The following CLTCL1 variants were observed in gnomAD, a reference collection of about 807,000 sequenced individuals.
The protein encoded by CLTCL1 is clathrin heavy chain like 1.
CLTCL1 carries 159 observed loss-of-function variants against 190.0 expected under a neutral mutation model. The ratio of observed to expected loss-of-function variants is 0.84; its 90% CI spans 0.74 to 0.95. The LOEUF is 0.95. Ranked by LOEUF, CLTCL1 falls within the 40% of genes least tolerant of loss-of-function variation. The probability of loss-of-function intolerance (pLI) is 0.00; values close to 1 mark genes in which losing one functional copy is unlikely to be tolerated. For missense variants in CLTCL1, 1,878 were observed against 2,033.4 expected, an observed-to-expected ratio of 0.92 and a Z score of 1.47; for synonymous variants, 752 against 769.6, an observed-to-expected ratio of 0.98 and a Z score of 0.38.
chr22:19,291,707 G>A lies in CLTCL1; in HGVS notation c.-66C>T, dbSNP rs2088136975. ...GAATGAACGCCGACCCCTCGCGCGG[G>A]CTGACCGGTGGCGACGGCGCAGGCG... On this transcript the variant is annotated 5_prime_UTR_variant, in exon 1 of 33. Coordinates refer to ENST00000427926, the MANE Select transcript of CLTCL1 (RefSeq NM_007098.4). The A allele has an allele frequency of 2.3e-6, 3 of 1,300,498 alleles. No homozygotes were observed. The highest frequency in any genetic ancestry group is 2.0e-6 in the Non-Finnish European group (2 of 1,016,702). 80.6% of individuals were successfully genotyped at this position (1,300,498 alleles called of 1,614,324 possible). A position where few individuals can be genotyped will look rare whatever the true frequency, so the allele number is the denominator to read the frequency against.
chr22:19,201,525 C>G (rs1555939600), intron 22 of CLTCL1, 32 bp from the exon 23 acceptor site: 2 of 1,421,712 alleles, frequency 1.4e-6, no homozygotes, highest in Non-Finnish European at 1.9e-6. Context: ...GACTGAGACA[C>G]TCTTCAATGG....
At chr22:19,226,152 TG>T (rs2085735960) in intron 12 of CLTCL1, 66 bp downstream of exon 12, 3 of 1,535,560 alleles carry the variant, frequency 2.0e-6, no homozygotes, top group Non-Finnish European at 2.7e-6. Flanking sequence ...AGGTGAACAC[TG>T]GGGAGCATGT....
At chr22:19,249,593 G>A (rs1450641052) in intron 3 of CLTCL1, among the ~76,000 whole-genome samples, 1 of 149,672 alleles carries the variant, frequency 6.7e-6, no homozygotes, top group Non-Finnish European at 1.5e-5. Context: ...CTACCTGGAA[G>A]GCTGAGATAG....
chr22:19,201,739 C>T (rs2084894041), intron 22 of CLTCL1, among the ~76,000 whole-genome samples: 1 of 152,198 alleles, frequency 6.6e-6, no homozygotes, highest in Non-Finnish European at 1.5e-5. Flanking sequence ...ACCTCTCAGG[C>T]CCTGGCTGTC....
chr22:19,261,040 T>C (rs547092372), intron 2 of CLTCL1, among the ~76,000 whole-genome samples: 14 of 152,188 alleles, frequency 9.2e-5, no homozygotes, highest in Middle Eastern at 3.4e-3. Flanking sequence ...TTTTCATGCC[T>C]GCTAACACAT....
intron 1 of CLTCL1, among the ~76,000 whole-genome samples, chr22:19,289,113 A>G (rs2088015275): frequency 1.3e-5 from 2 of 152,146 alleles, no homozygotes; most frequent in Non-Finnish European, 2.9e-5. Context: ...CCTCCTGACT[A>G]GCTGGGACTA....
intron 22 of CLTCL1, chr22:19,207,946 A>G (rs1485237764): frequency 1.4e-6 from 1 of 700,794 alleles, no homozygotes; most frequent in South Asian, 1.5e-5. Context: ...TTCATTATAT[A>G]TTACAATATG....
intron 1 of CLTCL1, among the ~76,000 whole-genome samples, chr22:19,283,527 T>A (rs1298061166): frequency 6.6e-6 from 1 of 150,816 alleles, no homozygotes; most frequent in Non-Finnish European, 1.5e-5. Flanking sequence ...GTGATCCACT[T>A]TCCTCGGCCT....
chr22:19,233,209 G>A lies in CLTCL1; in HGVS notation c.1478C>T (p.Ala493Val). 6.2e-7 allele frequency: 1 copy of A among 1,613,944 alleles called. No individual in the cohort carries two copies. Among genetic ancestry groups the A allele is most frequent in the Non-Finnish European group, 8.5e-7 (1 of 1,179,828 alleles). The change falls in exon 9 of 33, where the codon GCA (alanine) becomes GTA (valine). Residue 493 changes from alanine (A) to valine (V), a missense_variant. Physicochemically the swap from Ala to Val is moderately conservative, Grantham distance 64. Transcript: ENST00000427926. ...NVPSKVIQCF[A>V]ETGQFQKIVL... is the part of the protein sequence containing the mutation. ...AATTTTCTGGAATTGGCCTGTTTCTGCAAAACACTGGATCACTTTGCTTGG... is the reference window on the plus strand; with the variant it reads ...AATTTTCTGGAATTGGCCTGTTTCTACAAAACACTGGATCACTTTGCTTGG...
chr22:19,258,053 G>A (rs2086822590), intron 2 of CLTCL1: 1 of 461,044 alleles, frequency 2.2e-6, no homozygotes, highest in South Asian at 1.7e-5. Flanking sequence ...GCACCAGTTT[G>A]TGAGGAGCGA....
chr22:19,270,293 G>A (rs550966500), intron 2 of CLTCL1, among the ~76,000 whole-genome samples: 3 of 152,250 alleles, frequency 2.0e-5, no homozygotes, highest in Admixed American at 6.5e-5. Context: ...AAGCAGATGA[G>A]TTGCTGCCTC....
In CLTCL1 at chr22:19,223,966, C is replaced by T. The variant is rs1555954137; in HGVS notation, c.2217G>A (p.Gly739=). ...ATATCCTCTCCACCTCCTTGATCTG[C>T]CCTGTCTTACAGGCAGCCTGAATGT... The part of the protein sequence containing the change: ...LKYIQAACKT[G]QIKEVERICR... The change falls in exon 14 of 33, where the codon GGG becomes GGA. Residue 739 remains glycine, a synonymous_variant. Coordinates refer to ENST00000427926, the MANE Select transcript of CLTCL1 (RefSeq NM_007098.4). 1.2e-6 allele frequency: 2 copies of T among 1,613,984 alleles called. No homozygotes were observed. Among genetic ancestry groups the T allele is most frequent in the Non-Finnish European group, 1.7e-6 (2 of 1,179,884 alleles).
At chr22:19,288,876 C>T (rs1304034488) in intron 1 of CLTCL1, among the ~76,000 whole-genome samples, 2 of 152,314 alleles carry the variant, frequency 1.3e-5, no homozygotes, top group East Asian at 3.9e-4. Context: ...ACTGTGGAAC[C>T]AAAAACAGTA....
At chr22:19,232,121 A>G (rs1462202833) in intron 10 of CLTCL1, among the ~76,000 whole-genome samples, 7 of 152,216 alleles carry the variant, frequency 4.6e-5, no homozygotes, top group Admixed American at 2.0e-4. Flanking sequence ...CAACAGCACT[A>G]GCTCCTGGTG....
Position 19,206,295 on chromosome 22 carries a change from C to T in CLTCL1, c.3600+1859G>A, listed in dbSNP as rs5748041. The stretch of plus-strand genomic sequence containing the variant: ...AGGCTGGAGTGCAGTGCCCCGATCA[C>T]AGCTCACCCCGATCACAGCTCACTG... On this transcript the variant is annotated intron_variant, in intron 22 of 32. Transcript: ENST00000427926. Among the ~76,000 whole-genome samples, 1,095 of 152,250 alleles carry T rather than the reference C, an allele frequency of 7.2e-3. 17 individuals are homozygous for T. Among genetic ancestry groups the T allele is most frequent in the South Asian group, 0.05 (241 of 4,826 alleles).
rs200800675 is a variant in CLTCL1, at chr22:19,235,797, C to T, written c.868G>A (p.Gly290Ser). 6.2e-7 allele frequency: 1 copy of T among 1,613,962 alleles called. No individual in the cohort carries two copies. Among genetic ancestry groups the T allele is most frequent in the Admixed American group, 1.7e-5 (1 of 60,024 alleles). Residue 290 changes from glycine (G) to serine (S), a missense_variant, in exon 6 of 33, where the codon GGC becomes AGC. Coordinates refer to ENST00000427926, the MANE Select transcript of CLTCL1 (RefSeq NM_007098.4). Reference sequence around the variant, plus strand: ...ATACGGTTCATGCAGATGCACACGCCAGACTCTAGGTCGTACAGATGAAGA... The same window carrying T: ...ATACGGTTCATGCAGATGCACACGCTAGACTCTAGGTCGTACAGATGAAGA... ...GYLHLYDLES[G>S]VCICMNRISA...
rs188269170 is a variant in CLTCL1, at chr22:19,219,432, G to A, written c.2919+453C>T. On this transcript the variant is annotated intron_variant, in intron 18 of 32. Transcript: ENST00000427926. Reference sequence around the variant, plus strand: ...ACTCCTGACCTCAAGTCATCCACCCGCCTCGGCCTCCCAAAGTGCTAGGAT... The same window carrying A: ...ACTCCTGACCTCAAGTCATCCACCCACCTCGGCCTCCCAAAGTGCTAGGAT... Among the ~76,000 whole-genome samples, 15 of 150,632 alleles carry A rather than the reference G, an allele frequency of 1.0e-4. 1 individual carries two copies. The highest frequency in any genetic ancestry group is 5.9e-4 in the East Asian group (3 of 5,068).
chr22:19,233,054 A>G (rs1601597409), intron 9 of CLTCL1, 112 bp downstream of exon 9: 1 of 1,136,308 alleles, frequency 8.8e-7, no homozygotes, highest in East Asian at 2.4e-5. Context: ...AACATTGCCA[A>G]CTCTCACACC....
At chr22:19,182,737 C>T (rs1337207100) in intron 30 of CLTCL1, 3 of 152,272 alleles carry the variant, frequency 2.0e-5, no homozygotes, top group African/African-American at 7.2e-5. Context: ...GTAGATGCTA[C>T]TGGAAGTAGC....
Sources: allele counts gnomAD v4.1 joint callset (sites outside exome capture counted in the v4.1 genomes callset), GRCh38; gene constraint gnomAD v4.1.1; transcripts MANE v1.5; gene names NCBI Gene and HGNC (gene_info 2026-07-23, HGNC 2026-07-21).